Variants in PC observed in about 807,000 individuals in gnomAD.
The protein encoded by PC is pyruvate carboxylase, mitochondrial.
PC carries 46 observed loss-of-function variants against 107.8 expected under a neutral mutation model. The observed-to-expected ratio is 0.43, with a 90% CI of 0.34 to 0.55. The LOEUF is 0.55. Ranked by LOEUF, PC falls within the 20% of genes least tolerant of loss-of-function variation. The pLI is 0.04. For synonymous variants in PC, 662 were observed against 684.7 expected, an observed-to-expected ratio of 0.97 and a Z score of 0.52; for missense variants, 1,241 against 1,643.1, an observed-to-expected ratio of 0.76 and a Z score of 4.23.
At chr11:66,897,664 C>A (rs892187419) in intron 3 of PC, among the ~76,000 whole-genome samples, 1 of 152,188 alleles carries the variant, frequency 6.6e-6, no homozygotes, top group Non-Finnish European at 1.5e-5. Context: ...CCTGAGGAAG[C>A]CTTCCCCGGT....
intron 3 of PC, among the ~76,000 whole-genome samples, chr11:66,876,410 T>G (rs1285859783): frequency 6.6e-6 from 1 of 152,250 alleles, no homozygotes. Flanking sequence ...TTTGTCTTAC[T>G]CTTGCAACTT....
At position 66,848,498 on chromosome 11, in the gene PC, G is replaced by A; in HGVS notation, c.*401C>T. On this transcript the variant is annotated 3_prime_UTR_variant, in exon 23 of 23. Transcript: ENST00000393960. ...CCCCCACTGCTGAGTGGTGCAGGCT[G>A]GGGGCTGCACAGGATCCAGCATGGA... The A allele has an allele frequency of 1.7e-6, 1 of 576,068 alleles. No homozygotes were observed. The highest frequency in any genetic ancestry group is 2.3e-5 in the South Asian group (1 of 43,514). The allele number at this position is 576,068 out of a possible 1,614,324, so 35.7% of individuals were successfully genotyped here.
intron 12 of PC, among the ~76,000 whole-genome samples, chr11:66,860,925 T>C (rs1946223376): frequency 6.6e-6 from 1 of 152,096 alleles, no homozygotes; most frequent in Non-Finnish European, 1.5e-5. Context: ...TCCTCATGGC[T>C]CCAGGTGCTG....
intron 12 of PC, chr11:66,859,529 G>C: frequency 6.5e-7 from 1 of 1,546,526 alleles, no homozygotes; most frequent in Non-Finnish European, 8.7e-7. Context: ...CCAAGAGCCC[G>C]AGTGGCCCCA....
At chr11:66,879,739 C>T (rs983406257) in intron 3 of PC, among the ~76,000 whole-genome samples, 7 of 152,156 alleles carry the variant, frequency 4.6e-5, no homozygotes, top group African/African-American at 7.2e-5. Flanking sequence ...CCTGCTCCCT[C>T]GGCCCCCTAG....
intron 3 of PC, among the ~76,000 whole-genome samples, chr11:66,941,643 C>G (rs1949131570): frequency 6.6e-6 from 1 of 152,134 alleles, no homozygotes; most frequent in Non-Finnish European, 1.5e-5. Context: ...AGGTGCCCGC[C>G]ACCATGCCCA....
chr11:66,894,792 C>T (rs866535136), intron 3 of PC, among the ~76,000 whole-genome samples: 7 of 152,172 alleles, frequency 4.6e-5, no homozygotes, highest in African/African-American at 1.2e-4. Flanking sequence ...GAGGCCAAGG[C>T]GGGTGGATCA....
At chr11:66,863,531 G>A (rs1391906509) in intron 12 of PC, among the ~76,000 whole-genome samples, 3 of 152,198 alleles carry the variant, frequency 2.0e-5, no homozygotes, top group Non-Finnish European at 2.9e-5. Context: ...AGGCATGTGA[G>A]GACGAGCTCC....
At chr11:66,933,711 C>T (rs1040522402) in intron 3 of PC, among the ~76,000 whole-genome samples, 1 of 152,138 alleles carries the variant, frequency 6.6e-6, no homozygotes, top group Non-Finnish European at 1.5e-5. Context: ...CTTCCCTAAC[C>T]TCCACTTGCA....
chr11:66,873,387 ATAT>A (rs1391976948), intron 3 of PC, among the ~76,000 whole-genome samples: 8 of 104,594 alleles, frequency 7.6e-5, no homozygotes, highest in African/African-American at 7.6e-5. Context: ...AAAATATAAA[ATAT>A]TATATATAAT....
At chr11:66,869,006 G>GTA (rs1366052089) in intron 9 of PC, 42 bp from the exon 10 acceptor site, 2 of 1,474,934 alleles carry the variant, frequency 1.4e-6, no homozygotes, top group African/African-American at 1.4e-5. Flanking sequence ...CACAGGCAGG[G>GTA]CCTGGGCAAA....
At chr11:66,933,114 C>A (rs947209929) in intron 3 of PC, among the ~76,000 whole-genome samples, 4 of 152,064 alleles carry the variant, frequency 2.6e-5, no homozygotes, top group African/African-American at 9.7e-5. Flanking sequence ...CCACCTATCC[C>A]GCCCTGGAAG....
chr11:66,868,719 C>T lies in PC; in HGVS notation c.1022+127G>A, dbSNP rs1946601448. 3 of 736,848 alleles carry T rather than the reference C, an allele frequency of 4.1e-6. No individual in the cohort carries two copies. The Admixed American group carries it at 5.7e-5, about 14-fold the overall frequency. 45.6% of individuals were successfully genotyped at this position (736,848 alleles called of 1,614,324 possible). A position where few individuals can be genotyped will look rare whatever the true frequency, so the allele number is the denominator to read the frequency against. ...CTTTTAAAACACTAAGTACCTGGAT[C>T]CCCATTGCTCTCCACCAATGTGGGG... On this transcript the variant is annotated intron_variant, in intron 10 of 22. Coordinates refer to ENST00000393960, the MANE Select transcript of PC (RefSeq NM_001040716.2).
Position 66,866,621 on chromosome 11 carries a change from G to T in PC, c.1023-272C>A, listed in dbSNP as rs1464398356. On this transcript the variant is annotated intron_variant, in intron 10 of 22. Coordinates refer to ENST00000393960, the MANE Select transcript of PC (RefSeq NM_001040716.2). This position sits in a 1 kb window ranked among gnomAD's most constrained non-coding sequence, Gnocchi z 5.4. ...CAGGACCACCTGCTCCTGCATTCCT[G>T]ACTCACGGTGCCGTCCACACAGCCC... Among the ~76,000 whole-genome samples, 2 of 152,146 alleles carry T rather than the reference G, an allele frequency of 1.3e-5. No individual in the cohort carries two copies. Among genetic ancestry groups the T allele is most frequent in the African/African-American group, 4.8e-5 (2 of 41,426 alleles).
chr11:66,947,722 C>T (rs746608979), intron 3 of PC, among the ~76,000 whole-genome samples: 6 of 151,808 alleles, frequency 4.0e-5, no homozygotes, highest in African/African-American at 9.7e-5. Flanking sequence ...CAACACTTTT[C>T]GAGGCTGAGG....
chr11:66,910,283 T>G (rs750661510), intron 3 of PC, among the ~76,000 whole-genome samples: 2 of 152,106 alleles, frequency 1.3e-5, no homozygotes, highest in African/African-American at 2.4e-5. Context: ...CTCTGGGTAG[T>G]GCTTACATCT....
intron 1 of PC, among the ~76,000 whole-genome samples, chr11:66,956,803 G>A (rs1339940453): frequency 6.6e-6 from 1 of 152,110 alleles, no homozygotes; most frequent in African/African-American, 2.4e-5. Flanking sequence ...GGCCTCTACT[G>A]AACTTCCTCT....
chr11:66,936,037 C>A (rs141835890), intron 3 of PC, among the ~76,000 whole-genome samples: 1,724 of 150,218 alleles, frequency 0.011, 37 homozygotes, highest in African/African-American at 0.04. Context: ...TGTGATTGCA[C>A]CACTGCACTC....
chr11:66,945,021 G>A (rs570938743), intron 3 of PC, among the ~76,000 whole-genome samples: 1 of 117,542 alleles, frequency 8.5e-6, no homozygotes, highest in South Asian at 2.4e-4. Flanking sequence ...GCTCTCCACC[G>A]GGAGGTTAGG....
Sources: gnomAD v4.1 joint callset for allele counts (sites outside exome capture counted in the v4.1 genomes callset) on GRCh38, gnomAD v4.1.1 for gene constraint, Gnocchi (gnomAD v3.1) non-coding constraint, MANE v1.5 for transcripts, NCBI Gene and HGNC (gene_info 2026-07-23, HGNC 2026-07-21) for gene names.